RALB: variants seen among roughly 807,000 people sequenced by gnomAD.
The protein encoded by RALB is ras-related protein Ral-B.
In RALB, 16 loss-of-function variants were observed where a neutral mutation model predicts 21.3. The ratio of observed to expected loss-of-function variants is 0.75; its 90% CI spans 0.51 to 1.14. The LOEUF is 1.14. Ranked by LOEUF, RALB falls within the 50% of genes most tolerant of loss-of-function variation. RALB has a pLI of 0.00. For missense variants in RALB, 161 were observed against 256.2 expected, an observed-to-expected ratio of 0.63 and a Z score of 2.54; for synonymous variants, 93 against 96.1, an observed-to-expected ratio of 0.97 and a Z score of 0.19.
At chr2:120,289,886 T>A in intron 4 of RALB, 129 bp downstream of exon 4, 1 of 832,546 alleles carries the variant, frequency 1.2e-6, no homozygotes, top group Non-Finnish European at 1.8e-6. Flanking sequence ...TATGAATGTC[T>A]AAGCCATTAT....
upstream of RALB, among the ~76,000 whole-genome samples, chr2:120,251,144 AC>A (rs1689047544): frequency 6.6e-6 from 1 of 152,190 alleles, no homozygotes; most frequent in Non-Finnish European, 1.5e-5. Context: ...CTGATTTCTG[AC>A]CCTGTTCCCT....
chr2:120,284,256 A>T (rs1458558282), intron 2 of RALB, among the ~76,000 whole-genome samples: 1 of 152,226 alleles, frequency 6.6e-6, no homozygotes, highest in East Asian at 1.9e-4. Context: ...TTAACTGACA[A>T]TACAAGGCTC....
At chr2:120,240,183 T>A (rs1008812926) in intron 1 of RALB, 1 of 1,285,946 alleles carries the variant, frequency 7.8e-7, no homozygotes, top group African/African-American at 1.5e-5. Context: ...ACCTTGTGAC[T>A]TGCCTGTTGT....
At chr2:120,269,262 C>G (rs1277207466) in intron 1 of RALB, among the ~76,000 whole-genome samples, 1 of 152,136 alleles carries the variant, frequency 6.6e-6, no homozygotes, top group African/African-American at 2.4e-5. Flanking sequence ...CCGGTGGGTT[C>G]ATGGTCTCAC....
upstream of RALB, among the ~76,000 whole-genome samples, chr2:120,249,707 T>G (rs1689024198): frequency 3.9e-5 from 6 of 152,206 alleles, no homozygotes; most frequent in South Asian, 1.2e-3. Flanking sequence ...CAGTGGGGAT[T>G]ACATTTCAAC....
At chr2:120,246,631 C>T (rs1688974794) in intron 1 of RALB, among the ~76,000 whole-genome samples, 1 of 152,240 alleles carries the variant, frequency 6.6e-6, no homozygotes, top group African/African-American at 2.4e-5. Context: ...ATCTGCAGAT[C>T]AGGAGCACCC....
intron 1 of RALB, among the ~76,000 whole-genome samples, chr2:120,275,452 A>G (rs1014037518): frequency 3.2e-4 from 49 of 152,340 alleles, no homozygotes; most frequent in African/African-American, 1.1e-3. Flanking sequence ...GCTGCTCATG[A>G]GGATCACCTG....
chr2:120,278,015 GTGTGAA>G (rs1161914821), intron 1 of RALB, among the ~76,000 whole-genome samples: 50 of 138,748 alleles, frequency 3.6e-4, no homozygotes, highest in South Asian at 1.7e-3. Context: ...GTGTGAGCAT[GTGTGAA>G]TGTGAATGTG....
intron 1 of RALB, 51 bp downstream of exon 1, chr2:120,253,031 G>A: frequency 3.1e-6 from 3 of 959,764 alleles, no homozygotes; most frequent in Non-Finnish European, 3.7e-6. Flanking sequence ...GCGGGCTGGG[G>A]AGTGGGGTAC....
At chr2:120,284,022 A>G (rs1690060466) in intron 2 of RALB, among the ~76,000 whole-genome samples, 1 of 152,248 alleles carries the variant, frequency 6.6e-6, no homozygotes, top group Non-Finnish European at 1.5e-5. Context: ...GAAGCTCAGA[A>G]ATATACAGTT....
At chr2:120,267,472 A>G (rs891357701) in intron 1 of RALB, among the ~76,000 whole-genome samples, 2 of 152,228 alleles carry the variant, frequency 1.3e-5, no homozygotes, top group African/African-American at 2.4e-5. Flanking sequence ...TAGCAGCTAC[A>G]CAAGGGAAGG....
intron 1 of RALB, among the ~76,000 whole-genome samples, chr2:120,243,230 G>GA (rs1456220564): frequency 6.6e-6 from 1 of 152,228 alleles, no homozygotes; most frequent in African/African-American, 2.4e-5. Flanking sequence ...AAGAGAAGAG[G>GA]ACAAGGGCCA....
chr2:120,292,738 G>GC (rs749305953), intron 4 of RALB, among the ~76,000 whole-genome samples: 1 of 151,978 alleles, frequency 6.6e-6, no homozygotes, highest in Non-Finnish European at 1.5e-5. Context: ...CATTGCTTGA[G>GC]CTCAGGAGTT....
chr2:120,293,355 A>C lies in RALB; in HGVS notation c.*95A>C. 7.9e-7 allele frequency: 1 copy of C among 1,266,164 alleles called. No individual in the cohort carries two copies. Among genetic ancestry groups the C allele is most frequent in the Non-Finnish European group, 1.0e-6 (1 of 962,074 alleles). The allele number at this position is 1,266,164 out of a possible 1,614,324, so 78.4% of individuals were successfully genotyped here. On this transcript the variant is annotated 3_prime_UTR_variant, in exon 5 of 5. Coordinates refer to ENST00000272519, the MANE Select transcript of RALB (RefSeq NM_002881.3). ...GGTTGACTTCTTGCTTGTGCTTCCC[A>C]CTCTCCCCGACTTCATTCACTCAAA...
intron 1 of RALB, among the ~76,000 whole-genome samples, chr2:120,262,973 C>G (rs775451740): frequency 7.2e-5 from 11 of 152,156 alleles, no homozygotes; most frequent in Non-Finnish European, 1.5e-4. Flanking sequence ...AGTGACTTGC[C>G]TAATCCTCTA....
At chr2:120,269,469 C>G (rs553884530) in intron 1 of RALB, among the ~76,000 whole-genome samples, 1 of 149,608 alleles carries the variant, frequency 6.7e-6, no homozygotes, top group Non-Finnish European at 1.5e-5. Flanking sequence ...TTTGGCCACA[C>G]CCATGTCCTG....
At chr2:120,251,299 TA>T (rs1689050420), upstream of RALB, among the ~76,000 whole-genome samples, 1 of 152,310 alleles carries the variant, frequency 6.6e-6, no homozygotes, top group African/African-American at 2.4e-5. Context: ...CTTTGGGAGA[TA>T]AGGCTGTACC....
At chr2:120,274,363 T>G (rs1689739809) in intron 1 of RALB, among the ~76,000 whole-genome samples, 1 of 151,284 alleles carries the variant, frequency 6.6e-6, no homozygotes, top group Non-Finnish European at 1.5e-5. Context: ...AGTACGTAAT[T>G]TGCAAAGGGG....
intron 3 of RALB, among the ~76,000 whole-genome samples, chr2:120,286,573 G>A (rs59890894): frequency 6.6e-6 from 1 of 152,178 alleles, no homozygotes; most frequent in African/African-American, 2.4e-5. Context: ...ACGAGAACGC[G>A]GCTTTAGAGT....
Sources: allele counts gnomAD v4.1 joint callset (sites outside exome capture counted in the v4.1 genomes callset), GRCh38; gene constraint gnomAD v4.1.1; transcripts MANE v1.5; gene names NCBI Gene and HGNC (gene_info 2026-07-23, HGNC 2026-07-21).